The following LAMA2 variants were observed in gnomAD, a reference collection of about 807,000 sequenced individuals.
The protein encoded by LAMA2 is laminin subunit alpha-2.
In LAMA2, 269 loss-of-function variants were observed where a neutral mutation model predicts 364.8. The ratio of observed to expected loss-of-function variants is 0.74; its 90% CI spans 0.67 to 0.82. The LOEUF (loss-of-function observed/expected upper bound fraction) is 0.82, where lower values mean the gene tolerates loss of function less well. Among genes scored for constraint, LAMA2 ranks in the 40% least tolerant of loss-of-function variants. LAMA2 has a pLI of 0.00. For synonymous variants in LAMA2, 1,379 were observed against 1,370.6 expected (o/e 1.01, Z -0.14); for missense variants, 3,807 against 3,873.2 (o/e 0.98, Z 0.45).
At chr6:128,941,522 G>A (rs780864401) in intron 1 of LAMA2, among the ~76,000 whole-genome samples, 1 of 152,058 alleles carries the variant, frequency 6.6e-6, no homozygotes, top group Non-Finnish European at 1.5e-5. Context: ...CACTTAGTTT[G>A]ATTACCTTGA....
intron 12 of LAMA2, among the ~76,000 whole-genome samples, chr6:129,218,250 T>C (rs1278476160): frequency 6.6e-6 from 1 of 152,184 alleles, no homozygotes; most frequent in African/African-American, 2.4e-5. Flanking sequence ...ATTTTTCTTC[T>C]TCTAGACTTT....
chr6:129,211,157 T>A (rs888943929), intron 12 of LAMA2, among the ~76,000 whole-genome samples: 2 of 152,118 alleles, frequency 1.3e-5, no homozygotes, highest in Non-Finnish European at 2.9e-5. Flanking sequence ...TAAATAACCC[T>A]ACAAAATATG....
intron 29 of LAMA2, among the ~76,000 whole-genome samples, chr6:129,330,333 A>G (rs1241469575): frequency 6.6e-6 from 1 of 151,930 alleles, no homozygotes; most frequent in Non-Finnish European, 1.5e-5. Flanking sequence ...ACGCTGCTCT[A>G]CAGCACCCAG....
At chr6:129,243,486 A>C (rs927199433) in intron 12 of LAMA2, among the ~76,000 whole-genome samples, 3 of 151,772 alleles carry the variant, frequency 2.0e-5, no homozygotes, top group Non-Finnish European at 4.4e-5. Context: ...TATGAAATGT[A>C]GGAAGAAAAA....
rs75990923 is a variant in LAMA2 at position 129,272,811 on chromosome 6, C to T, written c.2450+2060C>T. On this transcript the variant is annotated intron_variant, in intron 17 of 64. Coordinates refer to ENST00000421865, the MANE Select transcript of LAMA2 (RefSeq NM_000426.4). The stretch of plus-strand genomic sequence containing the variant: ...TCTCATAGAAGCTCAAACCCTATTG[C>T]GAACTGCACCTGCGAGGGATCTAGC... Among the ~76,000 whole-genome samples, 1,519 of 152,222 alleles carry T rather than the reference C, an allele frequency of 1.0e-2. 19 individuals are homozygous for T. The highest frequency in any genetic ancestry group is 0.035 in the African/African-American group (1,468 of 41,538).
chr6:129,173,950 AAC>A (rs1345409760), intron 9 of LAMA2, among the ~76,000 whole-genome samples: 7 of 152,264 alleles, frequency 4.6e-5, no homozygotes, highest in African/African-American at 1.2e-4. Context: ...AAATATTAAA[AAC>A]AGTGATAGTA....
intron 12 of LAMA2, among the ~76,000 whole-genome samples, chr6:129,223,775 A>G (rs1475830439): frequency 1.3e-5 from 2 of 152,116 alleles, no homozygotes; most frequent in African/African-American, 2.4e-5. Flanking sequence ...GTCAGGTAGC[A>G]TGATGCCTCC....
At chr6:128,906,947 G>T (rs1434383879) in intron 1 of LAMA2, among the ~76,000 whole-genome samples, 2 of 151,714 alleles carry the variant, frequency 1.3e-5, no homozygotes, top group African/African-American at 4.8e-5. Context: ...GATAGTTGTA[G>T]ATATGCAGTG....
chr6:129,365,596 C>T (rs1318771750), intron 32 of LAMA2, among the ~76,000 whole-genome samples: 1 of 151,964 alleles, frequency 6.6e-6, no homozygotes, highest in African/African-American at 2.4e-5. Flanking sequence ...CTCCTGACCT[C>T]AGGTGATCCA....
At chr6:129,257,581 G>T (rs533293457) in intron 14 of LAMA2, among the ~76,000 whole-genome samples, 4 of 152,104 alleles carry the variant, frequency 2.6e-5, no homozygotes, top group African/African-American at 9.6e-5. Context: ...GAAATTCTTG[G>T]ACTGTATCTA....
chr6:129,480,421 A>G (rs960433244), intron 54 of LAMA2, among the ~76,000 whole-genome samples: 10 of 152,184 alleles, frequency 6.6e-5, no homozygotes, highest in African/African-American at 2.2e-4. Flanking sequence ...AAAAGTGACT[A>G]TCTACATTTA....
chr6:129,171,174 A>C (rs1435897825), intron 9 of LAMA2, among the ~76,000 whole-genome samples: 1 of 151,692 alleles, frequency 6.6e-6, no homozygotes, highest in African/African-American at 2.4e-5. Flanking sequence ...GTCCATTTAC[A>C]TTTAAAGTTA....
At chr6:129,238,895 C>T (rs998953902) in intron 12 of LAMA2, among the ~76,000 whole-genome samples, 19 of 147,792 alleles carry the variant, frequency 1.3e-4, no homozygotes, top group Non-Finnish European at 2.1e-4. Context: ...TGAGATCTAC[C>T]TTTTTTTTTT....
chr6:129,500,928 G>T (rs1366645965), intron 58 of LAMA2, among the ~76,000 whole-genome samples: 5 of 152,168 alleles, frequency 3.3e-5, no homozygotes, highest in Admixed American at 3.3e-4. Context: ...ACCCACTGGT[G>T]GTTCTCTTTT....
At chr6:129,344,160 T>C (rs1486375621) in intron 30 of LAMA2, among the ~76,000 whole-genome samples, 1 of 152,194 alleles carries the variant, frequency 6.6e-6, no homozygotes, top group Non-Finnish European at 1.5e-5. Context: ...GGAAAACTAT[T>C]ATCATAGAAT....
intron 1 of LAMA2, among the ~76,000 whole-genome samples, chr6:128,986,154 T>A (rs1783221332): frequency 6.6e-6 from 1 of 152,208 alleles, no homozygotes; most frequent in Non-Finnish European, 1.5e-5. Flanking sequence ...TTCTTTTCAA[T>A]AATCAAATTG....
At chr6:128,957,514 C>T (rs1781224179) in intron 1 of LAMA2, among the ~76,000 whole-genome samples, 1 of 152,128 alleles carries the variant, frequency 6.6e-6, no homozygotes, top group Non-Finnish European at 1.5e-5. Context: ...GCTGCTCCAC[C>T]CCAGTCATTG....
chr6:128,896,673 T>C (rs2114401361), intron 1 of LAMA2, among the ~76,000 whole-genome samples: 1 of 152,342 alleles, frequency 6.6e-6, no homozygotes. Flanking sequence ...TGAGAAAACA[T>C]TATTCTAAAT....
At chr6:129,200,419 C>CATAT (rs1782194260) in intron 12 of LAMA2, among the ~76,000 whole-genome samples, 2 of 144,932 alleles carry the variant, frequency 1.4e-5, no homozygotes, top group Admixed American at 1.4e-4. Flanking sequence ...TATACATATA[C>CATAT]GTGTATATGT....
Sources: allele counts gnomAD v4.1 joint callset (sites outside exome capture counted in the v4.1 genomes callset), GRCh38; gene constraint gnomAD v4.1.1; transcripts MANE v1.5; gene names NCBI Gene and HGNC (gene_info 2026-07-23, HGNC 2026-07-21).